SEC24A: variants seen among roughly 807,000 people sequenced by gnomAD.
SEC24A encodes SEC24 homolog A, COPII component.
SEC24A carries 93 observed loss-of-function variants against 129.4 expected under a neutral mutation model. The ratio of observed to expected loss-of-function variants is 0.72; its 90% CI spans 0.61 to 0.85. The LOEUF (loss-of-function observed/expected upper bound fraction) is 0.85, where lower values mean the gene tolerates loss of function less well. SEC24A is among the 40% of genes least tolerant of loss of function. SEC24A has a pLI of 0.00. For synonymous variants in SEC24A, 460 were observed against 467.3 expected, an observed-to-expected ratio of 0.98 and a Z score of 0.20; for missense variants, 1,264 against 1,307.4, an observed-to-expected ratio of 0.97 and a Z score of 0.51.
chr5:134,711,233 TAGA>T (rs2150109175), intron 18 of SEC24A, among the ~76,000 whole-genome samples: 1 of 152,028 alleles, frequency 6.6e-6, no homozygotes, highest in South Asian at 2.1e-4. Context: ...GAGGCCAAGG[TAGA>T]AGGATTGCTT....
At chr5:134,672,400 C>T (rs1173886268) in intron 4 of SEC24A, among the ~76,000 whole-genome samples, 3 of 152,132 alleles carry the variant, frequency 2.0e-5, no homozygotes, top group African/African-American at 7.2e-5. Flanking sequence ...GTTGGCCAGG[C>T]TGTCCTCTAA....
chr5:134,697,149 T>C lies in SEC24A; in HGVS notation c.2010T>C (p.Thr670=), dbSNP rs1048214639. Residue 670 remains threonine, a synonymous_variant, in exon 14 of 23, where the codon ACT becomes ACC. Coordinates refer to ENST00000398844, the MANE Select transcript of SEC24A (RefSeq NM_021982.3). ...SAKDIHMTPS[T]DFYKKLALDC... ...AGGATATACACATGACACCATCCACTGACTTCTATAAGAAATTAGCCTTGG... is the reference window on the plus strand; with the variant it reads ...AGGATATACACATGACACCATCCACCGACTTCTATAAGAAATTAGCCTTGG... 6.4e-7 allele frequency: 1 copy of C among 1,550,778 alleles called. No homozygotes were observed. Among genetic ancestry groups the C allele is most frequent in the Non-Finnish European group, 8.9e-7 (1 of 1,127,972 alleles).
At chr5:134,717,542 C>T (rs1478462702) in intron 19 of SEC24A, among the ~76,000 whole-genome samples, 2 of 152,026 alleles carry the variant, frequency 1.3e-5, no homozygotes, top group African/African-American at 4.8e-5. Context: ...GAAACAAGAT[C>T]AGAAGTTAAT....
chr5:134,657,964 A>G (rs1750304056), intron 1 of SEC24A, among the ~76,000 whole-genome samples: 1 of 152,178 alleles, frequency 6.6e-6, no homozygotes. Flanking sequence ...TTGTAAAACC[A>G]AACATTAAAA....
intron 11 of SEC24A, among the ~76,000 whole-genome samples, chr5:134,692,057 CT>C (rs61531967): frequency 0.011 from 1,347 of 127,890 alleles, 2 homozygotes; most frequent in African/African-American, 0.015. Context: ...TTTTTCTTTC[CT>C]TTTTTTTTTT....
intron 15 of SEC24A, 74 bp downstream of exon 15, chr5:134,698,131 T>A: frequency 8.1e-7 from 1 of 1,241,232 alleles, no homozygotes. Flanking sequence ...TTTTATCTGG[T>A]CTTATAAGAT....
At chr5:134,716,881 CTTTT>C (rs766433633) in intron 19 of SEC24A, among the ~76,000 whole-genome samples, 1 of 131,814 alleles carries the variant, frequency 7.6e-6, no homozygotes. Flanking sequence ...AACTTTTTTA[CTTTT>C]TTTTTTTTTT....
chr5:134,703,177 C>G (rs191917927), intron 15 of SEC24A, among the ~76,000 whole-genome samples: 1 of 152,172 alleles, frequency 6.6e-6, no homozygotes, highest in Admixed American at 6.5e-5. Context: ...ATGAGTATAT[C>G]TGTAGGACAC....
At chr5:134,702,890 G>A (rs983546061) in intron 15 of SEC24A, among the ~76,000 whole-genome samples, 5 of 151,668 alleles carry the variant, frequency 3.3e-5, no homozygotes, top group South Asian at 2.1e-4. Flanking sequence ...TCAACCTCCC[G>A]AGTAGCTGGG....
At chr5:134,653,577 A>G (rs1452256853) in intron 1 of SEC24A, among the ~76,000 whole-genome samples, 2 of 152,136 alleles carry the variant, frequency 1.3e-5, no homozygotes, top group African/African-American at 4.8e-5. Flanking sequence ...TATAGTCAAA[A>G]GACCTCACCA....
At position 134,657,469 on chromosome 5, in the gene SEC24A, A is replaced by G. The variant is rs761752593; in HGVS notation, c.98-3650A>G. 1.9e-4 allele frequency among the ~76,000 whole-genome samples: 29 copies of G among 152,254 alleles called. 1 individual carries two copies. The East Asian group carries it at 3.3e-3, about 17-fold the overall frequency. ...TTCCTCTCTTCATCACCCATATTCAATTCCACATAAAATCCCATGAATGCT... is the reference window on the plus strand; with the variant it reads ...TTCCTCTCTTCATCACCCATATTCAGTTCCACATAAAATCCCATGAATGCT... On this transcript the variant is annotated intron_variant, in intron 1 of 22. Coordinates refer to ENST00000398844, the MANE Select transcript of SEC24A (RefSeq NM_021982.3).
rs778550519 is a variant in SEC24A, at chr5:134,674,619, A to T, written c.822A>T (p.Thr274=). ...TAAAAGTTACCTTGTTTCTAGCAAC[A>T]CCACAGCTTACTAACAAGAATCCCA... ...DEIEGGGLLA[T]PQLTNKNPKM... Residue 274 remains threonine, a synonymous_variant, in exon 5 of 23, where the codon ACA becomes ACT. Transcript: ENST00000398844. The T allele has an allele frequency of 6.1e-5, 99 of 1,612,822 alleles. No individual in the cohort carries two copies. Among genetic ancestry groups the T allele is most frequent in the Non-Finnish European group, 7.8e-5 (92 of 1,179,414 alleles).
intron 7 of SEC24A, among the ~76,000 whole-genome samples, chr5:134,677,790 T>C (rs1751119486): frequency 6.7e-6 from 1 of 148,516 alleles, no homozygotes; most frequent in African/African-American, 2.5e-5. Context: ...TGAGCCAAGA[T>C]CCCACACTGT....
At chr5:134,685,380 T>A (rs201378775) in intron 9 of SEC24A, among the ~76,000 whole-genome samples, 9 of 116,040 alleles carry the variant, frequency 7.8e-5, no homozygotes, top group Middle Eastern at 3.8e-3. Flanking sequence ...AAAAAAAAAA[T>A]AATAATACAA....
rs150409682 is a variant in SEC24A at position 134,714,744 on chromosome 5, A to G, written c.2728-280A>G. On this transcript the variant is annotated intron_variant, in intron 18 of 22. Coordinates refer to ENST00000398844, the MANE Select transcript of SEC24A (RefSeq NM_021982.3). ...CATTATCACTATCATTATATGGTAGATAGAGTGTTTAGATCTATTTTATCA... is the reference window on the plus strand; with the variant it reads ...CATTATCACTATCATTATATGGTAGGTAGAGTGTTTAGATCTATTTTATCA... Among the ~76,000 whole-genome samples, 79 of 152,278 alleles carry G rather than the reference A, an allele frequency of 5.2e-4. 1 individual carries two copies. In the East Asian group the frequency reaches 0.014, roughly 28 times the overall value.
At chr5:134,685,530 G>A (rs1010253234) in intron 9 of SEC24A, among the ~76,000 whole-genome samples, 1 of 152,114 alleles carries the variant, frequency 6.6e-6, no homozygotes, top group Admixed American at 6.6e-5. Context: ...GTATGTAAGG[G>A]AATTGAGCAT....
rs1024597570 is a variant in SEC24A at position 134,668,468 on chromosome 5, A to G, written c.739+1472A>G. ...AGGCCAGGTGCGGTGGCTCACGCCT[A>G]TAATCCCAGCAATTTGGGAGGCCGA... On this transcript the variant is annotated intron_variant, in intron 3 of 22. Transcript: ENST00000398844. 2.6e-5 allele frequency among the ~76,000 whole-genome samples: 4 copies of G among 151,750 alleles called. No homozygotes were observed. The East Asian group carries it at 7.8e-4, about 30-fold the overall frequency.
chr5:134,655,573 C>G (rs1321162969), intron 1 of SEC24A, among the ~76,000 whole-genome samples: 1 of 152,008 alleles, frequency 6.6e-6, no homozygotes, highest in Non-Finnish European at 1.5e-5. Context: ...TGATTCTCAG[C>G]AGGAGAATCA....
At chr5:134,681,876 A>G (rs1183330179) in intron 8 of SEC24A, among the ~76,000 whole-genome samples, 1 of 152,216 alleles carries the variant, frequency 6.6e-6, no homozygotes, top group Non-Finnish European at 1.5e-5. Context: ...TTGTCTTACC[A>G]TAGCTTCTAG....
Sources: allele counts gnomAD v4.1 joint callset (sites outside exome capture counted in the v4.1 genomes callset), GRCh38; gene constraint gnomAD v4.1.1; transcripts MANE v1.5; gene names NCBI Gene and HGNC (gene_info 2026-07-23, HGNC 2026-07-21).